The following CHN1 variants were observed in gnomAD, a reference collection of about 807,000 sequenced individuals.
CHN1 encodes the protein chimerin 1, also known as N-chimaerin.
CHN1 carries 37 observed loss-of-function variants against 59.5 expected under a neutral mutation model. The ratio of observed to expected loss-of-function variants is 0.62; its 90% CI spans 0.48 to 0.82. The LOEUF is 0.82. Ranked by LOEUF, CHN1 falls within the 40% of genes least tolerant of loss-of-function variation. CHN1 has a pLI of 0.00. For synonymous variants in CHN1, 206 were observed against 200.4 expected, an observed-to-expected ratio of 1.03 and a Z score of -0.24; for missense variants, 469 against 571.0, an observed-to-expected ratio of 0.82 and a Z score of 1.82.
chr2:174,970,502 A>G (rs1466014710), intron 1 of CHN1, among the ~76,000 whole-genome samples: 1 of 152,248 alleles, frequency 6.6e-6, no homozygotes, highest in Non-Finnish European at 1.5e-5. Context: ...TGAGCTTGAC[A>G]GTTTGTTAAT....
intron 7 of CHN1, among the ~76,000 whole-genome samples, 159 bp downstream of exon 7, chr2:174,846,721 T>C (rs1230985746): frequency 6.6e-6 from 1 of 152,230 alleles, no homozygotes; most frequent in Non-Finnish European, 1.5e-5. Flanking sequence ...TATTCAGCTA[T>C]TCCTCAAGTA....
chr2:174,817,925 T>C (rs1439973996), intron 8 of CHN1, among the ~76,000 whole-genome samples: 2 of 151,958 alleles, frequency 1.3e-5, no homozygotes, highest in African/African-American at 2.4e-5. Context: ...GCATGAGCCA[T>C]CGCGCCCGGC....
chr2:174,842,594 TGAACCAAATGA>T (rs1308335096), intron 7 of CHN1, among the ~76,000 whole-genome samples: 1 of 152,200 alleles, frequency 6.6e-6, no homozygotes, highest in Non-Finnish European at 1.5e-5. Flanking sequence ...ATTATAAATG[TGAACCAAATGA>T]AGACCAAAGG....
Position 174,981,731 on chromosome 2 carries a change from T to G in CHN1, c.19+23163A>C, listed in dbSNP as rs577185069. 3.7e-4 allele frequency among the ~76,000 whole-genome samples: 57 copies of G among 152,350 alleles called. No individual in the cohort carries two copies. The South Asian group carries it at 0.011, about 30-fold the overall frequency. On this transcript the variant is annotated intron_variant, in intron 1 of 12. Transcript: ENST00000409900. ...GAAGCAATTGTAAATATTTTTTTCC[T>G]GATGATATGAAATACTCTATTAAAA...
intron 5 of CHN1, among the ~76,000 whole-genome samples, chr2:174,898,158 C>T (rs1185632974): frequency 6.6e-6 from 1 of 152,100 alleles, no homozygotes; most frequent in East Asian, 1.9e-4. Context: ...CTTGCAGCTA[C>T]CACGAGATAA....
At chr2:174,841,072 T>C (rs17198255) in intron 7 of CHN1, among the ~76,000 whole-genome samples, 15,311 of 152,262 alleles carry the variant, frequency 0.1, 1,021 homozygotes, top group Non-Finnish European at 0.16. Context: ...CTCTGAAGTA[T>C]AGCAATTTAA....
intron 7 of CHN1, among the ~76,000 whole-genome samples, chr2:174,828,719 G>A (rs1685775441): frequency 2.0e-5 from 3 of 152,208 alleles, no homozygotes; most frequent in Non-Finnish European, 4.4e-5. Context: ...GACTATTTGT[G>A]TGTTGCAGGA....
rs370172000 is a variant in CHN1, at chr2:174,913,021, CAAG to C, written c.260+2034_260+2036del. 2.3e-4 allele frequency among the ~76,000 whole-genome samples: 35 copies of C among 152,220 alleles called. 2 individuals are homozygous for C. In the South Asian group the frequency reaches 7.1e-3, roughly 31 times the overall value. On this transcript the variant is annotated intron_variant, in intron 5 of 12. Coordinates refer to ENST00000409900, the MANE Select transcript of CHN1 (RefSeq NM_001822.7). ...AAGCCATGAGTAGAATGGGAGAGTG[CAAG>C]AAGGCAGGAATGAGAAAGAGATATG...
chr2:174,940,544 A>G (rs916003712), intron 3 of CHN1, among the ~76,000 whole-genome samples: 2 of 148,248 alleles, frequency 1.3e-5, no homozygotes, highest in Non-Finnish European at 3.0e-5. Flanking sequence ...TTTTTTTTTT[A>G]TGATAATGAC....
At chr2:174,813,735 A>C (rs377301404) in intron 8 of CHN1, among the ~76,000 whole-genome samples, 9 of 152,302 alleles carry the variant, frequency 5.9e-5, no homozygotes, top group African/African-American at 2.2e-4. Context: ...CCTCTTGTAA[A>C]TCTAGTCCAA....
chr2:174,971,273 G>A (rs1414467291), intron 1 of CHN1, among the ~76,000 whole-genome samples: 2 of 152,102 alleles, frequency 1.3e-5, no homozygotes, highest in Non-Finnish European at 2.9e-5. Flanking sequence ...AGCCGAGATC[G>A]TGCCACTGCA....
chr2:174,961,233 G>A (rs1224628122), intron 1 of CHN1, among the ~76,000 whole-genome samples: 1 of 143,372 alleles, frequency 7.0e-6, no homozygotes, highest in Non-Finnish European at 1.5e-5. Context: ...GAGGGAGGGA[G>A]GGAGGAAGGC....
At chr2:174,808,497 C>A (rs559404963) in intron 11 of CHN1, among the ~76,000 whole-genome samples, 3 of 152,202 alleles carry the variant, frequency 2.0e-5, no homozygotes, top group Non-Finnish European at 4.4e-5. Flanking sequence ...GTTGGCCAGG[C>A]TGGTCTTGCA....
intron 1 of CHN1, among the ~76,000 whole-genome samples, chr2:174,980,482 C>T (rs1199939739): frequency 6.6e-6 from 1 of 151,978 alleles, no homozygotes; most frequent in Non-Finnish European, 1.5e-5. Context: ...TCTTTTTTCC[C>T]GTTTTTAAAA....
In CHN1 at chr2:174,981,952, C is replaced by G. The variant is rs371271058; in HGVS notation, c.19+22942G>C. ...CTAATGCTATCCCTCCCTGCTCCCC[C>G]CACCCCACGACAGGCCCCGGTGTGT... is the stretch of plus-strand genomic sequence containing the variant. On this transcript the variant is annotated intron_variant, in intron 1 of 12. Transcript: ENST00000409900. 4.6e-5 allele frequency among the ~76,000 whole-genome samples: 7 copies of G among 152,278 alleles called. No homozygotes were observed. In the East Asian group the frequency reaches 7.7e-4, roughly 17 times the overall value.
intron 3 of CHN1, among the ~76,000 whole-genome samples, chr2:174,942,759 A>T (rs1689703188): frequency 6.6e-6 from 1 of 152,084 alleles, no homozygotes; most frequent in African/African-American, 2.4e-5. Flanking sequence ...TTTAAAAAGC[A>T]ACTTAAAAGG....
chr2:174,994,836 G>C (rs143532865), intron 1 of CHN1, among the ~76,000 whole-genome samples: 2 of 152,130 alleles, frequency 1.3e-5, no homozygotes, highest in African/African-American at 4.8e-5. Flanking sequence ...ACAGGTCAAG[G>C]GTCCTATCTT....
intron 5 of CHN1, among the ~76,000 whole-genome samples, chr2:174,884,184 G>A (rs1177001125): frequency 6.6e-6 from 1 of 151,816 alleles, no homozygotes; most frequent in East Asian, 1.9e-4. Context: ...TGTTAACCAG[G>A]ATGGTCTCGA....
At chr2:174,870,935 T>C (rs1687386706) in intron 6 of CHN1, among the ~76,000 whole-genome samples, 1 of 152,224 alleles carries the variant, frequency 6.6e-6, no homozygotes, top group South Asian at 2.1e-4. Flanking sequence ...TCTGTTGGCC[T>C]GGTTCTTTGG....
Sources: gnomAD v4.1 joint callset for allele counts (sites outside exome capture counted in the v4.1 genomes callset) on GRCh38, gnomAD v4.1.1 for gene constraint, MANE v1.5 for transcripts, NCBI Gene and HGNC (gene_info 2026-07-23, HGNC 2026-07-21) for gene names.